The following LDB1 variants were observed in gnomAD, a reference collection of about 807,000 sequenced individuals.
LDB1 encodes LIM domain-binding protein 1.
LDB1 carries 6 observed loss-of-function variants against 49.7 expected under a neutral mutation model. The observed-to-expected ratio is 0.12, with a 90% CI of 0.07 to 0.24. The LOEUF (loss-of-function observed/expected upper bound fraction) is 0.24. Among genes scored for constraint, LDB1 ranks in the 10% least tolerant of loss-of-function variants. The pLI is 1.00. For missense variants in LDB1, 341 were observed against 561.7 expected, an observed-to-expected ratio of 0.61 and a Z score of 3.97; for synonymous variants, 233 against 202.0, an observed-to-expected ratio of 1.15 and a Z score of -1.30.
At chr10:102,112,947 T>C (rs1385872777) in intron 1 of LDB1, among the ~76,000 whole-genome samples, 1 of 152,152 alleles carries the variant, frequency 6.6e-6, no homozygotes, top group Admixed American at 6.5e-5. Flanking sequence ...CAACTCTGTT[T>C]CCCCTTCTCA....
intron 1 of LDB1, chr10:102,114,812 G>GGGCGCCCC: frequency 3.2e-6 from 3 of 929,806 alleles, no homozygotes; most frequent in Non-Finnish European, 3.8e-6. Flanking sequence ...CCTCCGAGCA[G>GGGCGCCCC]CCCGCCCGCC....
chr10:102,120,742 G>A (rs1039026714), upstream of LDB1, among the ~76,000 whole-genome samples: 6 of 152,194 alleles, frequency 3.9e-5, no homozygotes, highest in Non-Finnish European at 7.3e-5. Context: ...GCAGCCGCGC[G>A]CTCGGTGTCC....
In LDB1 at chr10:102,110,644, G is replaced by A. The variant is rs144764727; in HGVS notation, c.410C>T (p.Thr137Met). ...YFRSIFEGGA[T>M]ELYYVLKHPK... is the part of the protein sequence containing the mutation. ...GTGCTTAAGAACATAGTACAGCTCCGTAGCACCCCCCTCAAAGATGCTGCG... is the reference window on the plus strand; with the variant it reads ...GTGCTTAAGAACATAGTACAGCTCCATAGCACCCCCCTCAAAGATGCTGCG... Residue 137 changes from threonine to methionine, a missense_variant, in exon 6 of 11, where the codon ACG becomes ATG. Coordinates refer to ENST00000673968, the MANE Select transcript of LDB1 (RefSeq NM_001113407.3). 2.5e-6 allele frequency: 4 copies of A among 1,613,756 alleles called. No homozygotes were observed. Among genetic ancestry groups the A allele is most frequent in the African/African-American group, 1.3e-5 (1 of 74,860 alleles).
downstream of LDB1, among the ~76,000 whole-genome samples, chr10:102,103,359 G>A (rs1418242051): frequency 6.7e-6 from 1 of 150,264 alleles, no homozygotes; most frequent in Non-Finnish European, 1.5e-5. Context: ...TGTTGTTTGA[G>A]ACAGAGAGTC....
At chr10:102,114,313 G>T in intron 1 of LDB1, 2 of 985,306 alleles carry the variant, frequency 2.0e-6, no homozygotes, top group Non-Finnish European at 2.4e-6. Context: ...GCTCTGGGCT[G>T]GGGCACCTCT....
chr10:102,110,707 G>A lies in LDB1; in HGVS notation c.353-6C>T, dbSNP rs1380001042. Reference sequence around the variant, plus strand: ...GATCAGGGTCCGGCCAATGGCTGTAGAGATGGGACAAACTCTTCAGGACAA... The same window carrying A: ...GATCAGGGTCCGGCCAATGGCTGTAAAGATGGGACAAACTCTTCAGGACAA... On this transcript the variant is annotated splice_region_variant and splice_polypyrimidine_tract_variant and intron_variant, in intron 5 of 10. Transcript: ENST00000673968. The A allele has an allele frequency of 1.2e-6, 2 of 1,611,076 alleles. No individual in the cohort carries two copies. The highest frequency in any genetic ancestry group is 1.7e-6 in the Non-Finnish European group (2 of 1,178,070).
chr10:102,109,659 G>C lies in LDB1; in HGVS notation c.673C>G (p.Gln225Glu), dbSNP rs139160379. ...CACCGAGTGATGTTTTTGGAGAGCT[G>C]ATCCAACATCTGGGGGTCTTGGGCC... ...MHAQDPQMLD[Q>E]LSKNITRCGL... is the part of the protein sequence containing the mutation. The change falls in exon 8 of 11, where the codon CAG (glutamine) becomes GAG (glutamate). Residue 225 changes from glutamine to glutamate, a missense_variant. Gln to Glu is a conservative substitution (Grantham distance 29, BLOSUM62 2). This residue lies in a region of LDB1 where 233 missense variants were observed against 385.7 expected (regional missense o/e 0.60). Transcript: ENST00000673968. The surrounding 1 kb of genome is among the most constrained non-coding windows in gnomAD (Gnocchi z 5.8). 1.2e-5 allele frequency: 19 copies of C among 1,614,088 alleles called. No individual in the cohort carries two copies. Among genetic ancestry groups the C allele is most frequent in the Admixed American group, 5.0e-5 (3 of 60,030 alleles).
At chr10:102,116,552 G>A (rs2068338765) in intron 1 of LDB1, among the ~76,000 whole-genome samples, 1 of 152,038 alleles carries the variant, frequency 6.6e-6, no homozygotes, top group Non-Finnish European at 1.5e-5. Context: ...CACAGTCTAA[G>A]TCATACACAC....
chr10:102,116,854 A>C (rs1355204226), intron 1 of LDB1, among the ~76,000 whole-genome samples: 2 of 152,122 alleles, frequency 1.3e-5, no homozygotes, highest in African/African-American at 2.4e-5. Flanking sequence ...TTTACAGCTT[A>C]ACTCTGGGGT....
chr10:102,103,989 G>C (rs1414745107), downstream of LDB1, among the ~76,000 whole-genome samples: 2 of 151,954 alleles, frequency 1.3e-5, no homozygotes, highest in Non-Finnish European at 2.9e-5. Context: ...TTTGAACTAG[G>C]AGGCAGAGGT....
At position 102,120,217 on chromosome 10, in the gene LDB1, C is replaced by G. The variant is rs1167575282; in HGVS notation, c.-107G>C. 1.0e-6 allele frequency: 1 copy of G among 993,622 alleles called. No homozygotes were observed. Among genetic ancestry groups the G allele is most frequent in the Non-Finnish European group, 1.2e-6 (1 of 836,394 alleles). 61.6% of individuals were successfully genotyped at this position (993,622 alleles called of 1,614,324 possible). A position where few individuals can be genotyped will look rare whatever the true frequency, so the allele number is the denominator to read the frequency against. ...CGCCGCCCGCGGCCCCCGCTGCGCT[C>G]GCCGCCGGCCCGGCCCGGCCTCGGC... On this transcript the variant is annotated 5_prime_UTR_variant, in exon 1 of 11. Transcript: ENST00000673968.
intron 1 of LDB1, among the ~76,000 whole-genome samples, chr10:102,116,244 C>T (rs570489490): frequency 3.2e-4 from 48 of 152,262 alleles, no homozygotes; most frequent in African/African-American, 1.2e-3. Flanking sequence ...TGCAGTGGCG[C>T]GATCTCGGCT....
intron 1 of LDB1, among the ~76,000 whole-genome samples, chr10:102,119,222 G>T (rs550351659): frequency 1.2e-4 from 18 of 152,186 alleles, no homozygotes; most frequent in Admixed American, 9.8e-4. Flanking sequence ...ACAGTGTGCC[G>T]TGAGGCCCTC....
chr10:102,113,346 C>A (rs1229666155), intron 1 of LDB1, among the ~76,000 whole-genome samples: 3 of 152,214 alleles, frequency 2.0e-5, no homozygotes, highest in African/African-American at 4.8e-5. Context: ...TGGAACCCAG[C>A]AGCCCCAGGC....
Position 102,109,642 on chromosome 10 carries a change from G to C in LDB1, c.690C>G (p.Ile230Met), listed in dbSNP as rs764051483. Residue 230 changes from isoleucine (I) to methionine (M), a missense_variant, in exon 8 of 11, where the codon ATC becomes ATG. By Grantham distance (10) the Ile-to-Met change is conservative. Around this residue, in one of 5 missense-constraint regions of LDB1, gnomAD observed 233 missense variants for 385.7 expected, o/e 0.60. Coordinates refer to ENST00000673968, the MANE Select transcript of LDB1 (RefSeq NM_001113407.3). The surrounding 1 kb of genome is among the most constrained non-coding windows in gnomAD (Gnocchi z 5.8). ...PQMLDQLSKNITRCGLSNSTL... is the reference protein window; with the variant it reads ...PQMLDQLSKNMTRCGLSNSTL... ...TGGAATTGGACAGCCCACACCGAGT[G>C]ATGTTTTTGGAGAGCTGATCCAACA... The C allele has an allele frequency of 6.2e-7, 1 of 1,614,132 alleles. No individual in the cohort carries two copies. Among genetic ancestry groups the C allele is most frequent in the Non-Finnish European group, 8.5e-7 (1 of 1,179,994 alleles).
At chr10:102,103,124 G>T (rs564102277), downstream of LDB1, among the ~76,000 whole-genome samples, 1 of 152,232 alleles carries the variant, frequency 6.6e-6, no homozygotes, top group East Asian at 1.9e-4. Context: ...CTGCCTCCCA[G>T]GTTCAAGTGA....
At position 102,109,589 on chromosome 10, in the gene LDB1, C is replaced by T. The variant is rs772603272; in HGVS notation, c.732+11G>A. 1.2e-5 allele frequency: 19 copies of T among 1,613,900 alleles called. No individual in the cohort carries two copies. The highest frequency in any genetic ancestry group is 4.5e-5 in the East Asian group (2 of 44,882). ...TGGACTGGGGCAGAAACTGGGTGGT[C>T]GGAGACTCACTCGGAGGTAGTTGAG... On this transcript the variant is annotated intron_variant, in intron 8 of 10. Coordinates refer to ENST00000673968, the MANE Select transcript of LDB1 (RefSeq NM_001113407.3). The surrounding 1 kb of genome is among the most constrained non-coding windows in gnomAD (Gnocchi z 5.8).
downstream of LDB1, among the ~76,000 whole-genome samples, chr10:102,106,261 A>G (rs2068158657): frequency 6.6e-6 from 1 of 151,662 alleles, no homozygotes; most frequent in African/African-American, 2.4e-5. Context: ...GAGAAAGCCA[A>G]CTCTCCCTCA....
chr10:102,112,981 C>T (rs1590285790), intron 1 of LDB1, among the ~76,000 whole-genome samples: 1 of 152,150 alleles, frequency 6.6e-6, no homozygotes, highest in South Asian at 2.1e-4. Flanking sequence ...GAAACTGAGG[C>T]ACAGGCCCAA....
Sources: gnomAD v4.1 joint callset for allele counts (sites outside exome capture counted in the v4.1 genomes callset) on GRCh38, gnomAD v4.1.1 for gene constraint, gnomAD v4.1.1 regional missense constraint, Gnocchi (gnomAD v3.1) non-coding constraint, MANE v1.5 for transcripts, NCBI Gene and HGNC (gene_info 2026-07-23, HGNC 2026-07-21) for gene names.